Variants in ZZEF1 observed in about 807,000 individuals in gnomAD.
ZZEF1 encodes zinc finger ZZ-type and EF-hand domain-containing protein 1.
In ZZEF1, 157 loss-of-function variants were observed where a neutral mutation model predicts 342.8. The observed-to-expected ratio is 0.46, with a 90% confidence interval of 0.40 to 0.52. The LOEUF (loss-of-function observed/expected upper bound fraction) is 0.52. Among genes scored for constraint, ZZEF1 ranks in the 20% least tolerant of loss-of-function variants. ZZEF1 has a pLI of 0.00. For missense variants in ZZEF1, 3,480 were observed against 3,725.6 expected (o/e 0.93, Z 1.72); for synonymous variants, 1,505 against 1,429.1 (o/e 1.05, Z -1.20).
At position 4,064,532 on chromosome 17, in the gene ZZEF1, G is replaced by T. The variant is rs752965668; in HGVS notation, c.4547C>A (p.Pro1516His). Residue 1516 changes from proline to histidine, a missense_variant, in exon 29 of 55, where the codon CCC becomes CAC. Around this residue, in one of 5 missense-constraint regions of ZZEF1, gnomAD observed 1,528 missense variants for 1,624.1 expected, o/e 0.94. Transcript: ENST00000381638. The part of the protein sequence containing the change: ...ADVSPATAEE[P>H]LSPSTPTRRP... ...GCGGGTGGGTGTGGAAGGTGACAAG[G>T]GCTCTTCAGCTGTGGCAGGGGACAC... 2.5e-6 allele frequency: 4 copies of T among 1,614,204 alleles called. No individual in the cohort carries two copies. The highest frequency in any genetic ancestry group is 3.4e-6 in the Non-Finnish European group (4 of 1,180,048).
At chr17:4,111,839 A>G (rs2058307654) in intron 5 of ZZEF1, among the ~76,000 whole-genome samples, 1 of 145,824 alleles carries the variant, frequency 6.9e-6, no homozygotes, top group African/African-American at 2.5e-5. Context: ...TTTGAGATCA[A>G]CCTGGGCAAC....
chr17:4,091,020 G>A lies in ZZEF1; in HGVS notation c.1914-190C>T, dbSNP rs188351634. On this transcript the variant is annotated intron_variant, in intron 11 of 54. Coordinates refer to ENST00000381638, the MANE Select transcript of ZZEF1 (RefSeq NM_015113.4). ...GGTAGTATTGCCTTTCCATTGCTCAGTCTCCTTCTCTATGAACTGGGAAAT... is the reference window on the plus strand; with the variant it reads ...GGTAGTATTGCCTTTCCATTGCTCAATCTCCTTCTCTATGAACTGGGAAAT... Among the ~76,000 whole-genome samples, 35 of 152,332 alleles carry A rather than the reference G, an allele frequency of 2.3e-4. No individual in the cohort carries two copies. The East Asian group carries it at 6.2e-3, about 27-fold the overall frequency.
At chr17:4,040,707 T>C (rs906401518) in intron 39 of ZZEF1, among the ~76,000 whole-genome samples, 5 of 152,142 alleles carry the variant, frequency 3.3e-5, no homozygotes, top group Admixed American at 6.5e-5. Flanking sequence ...AAAATGTTCA[T>C]TGGAGCAGGG....
chr17:4,121,799 T>G (rs903394819), intron 2 of ZZEF1, among the ~76,000 whole-genome samples: 1 of 151,764 alleles, frequency 6.6e-6, no homozygotes, highest in Non-Finnish European at 1.5e-5. Flanking sequence ...CACGGCTCAC[T>G]GCAGCCTCAA....
At chr17:4,107,154 T>C (rs375029499) in intron 6 of ZZEF1, among the ~76,000 whole-genome samples, 5 of 152,338 alleles carry the variant, frequency 3.3e-5, no homozygotes, top group East Asian at 3.9e-4. Flanking sequence ...CTCATTGATA[T>C]TTTTTCAATA....
In ZZEF1 at chr17:4,004,820, A is replaced by AG. The variant is rs2055768756; in HGVS notation, c.*2069dup. The AG allele has an allele frequency of 6.6e-6, 1 of 152,218 alleles. No individual in the cohort carries two copies. The highest frequency in any genetic ancestry group is 1.5e-5 in the Non-Finnish European group (1 of 68,036). The allele number at this position is 152,218 out of a possible 1,614,324, so 9.4% of individuals were successfully genotyped here. On this transcript the variant is annotated 3_prime_UTR_variant, in exon 55 of 55. Transcript: ENST00000381638. Reference sequence around the variant, plus strand: ...AGCGCCACCCGGTGGCCGGAGACAGAGGCGGCCGGGCCGAGCCGGGAGAGC... The same window carrying AG: ...AGCGCCACCCGGTGGCCGGAGACAGAGGGCGGCCGGGCCGAGCCGGGAGAGC...
chr17:4,010,702 G>A (rs1484014818), intron 52 of ZZEF1, among the ~76,000 whole-genome samples: 1 of 116,910 alleles, frequency 8.6e-6, no homozygotes, highest in African/African-American at 3.3e-5. Context: ...TTCAGCCCAA[G>A]TGACAGTGTG....
In ZZEF1 at chr17:4,005,536, T is replaced by G. The variant is rs777197498; in HGVS notation, c.*1354A>C. The G allele has an allele frequency of 6.6e-6, 1 of 152,432 alleles. No homozygotes were observed. Among genetic ancestry groups the G allele is most frequent in the East Asian group, 1.9e-4 (1 of 5,206 alleles). 9.4% of individuals were successfully genotyped at this position (152,432 alleles called of 1,614,324 possible). ...TGAAGCCCGCTGCACCTTGGAGTCCTGACCCAGAAGGCGAAAGTGCTCTTA... is the reference window on the plus strand; with the variant it reads ...TGAAGCCCGCTGCACCTTGGAGTCCGGACCCAGAAGGCGAAAGTGCTCTTA... On this transcript the variant is annotated 3_prime_UTR_variant, in exon 55 of 55. Coordinates refer to ENST00000381638, the MANE Select transcript of ZZEF1 (RefSeq NM_015113.4).
rs905147503 is a variant in ZZEF1, at chr17:4,014,712, C to T, written c.8146-197G>A. On this transcript the variant is annotated intron_variant, in intron 49 of 54. Coordinates refer to ENST00000381638, the MANE Select transcript of ZZEF1 (RefSeq NM_015113.4). This position sits in a 1 kb window ranked among gnomAD's most constrained non-coding sequence, Gnocchi z 4.4. ...CAAATATGGTGCGAGGGAGGCACAG[C>T]GGGGCAGGCAACACGGGGCCCCAGA... Among the ~76,000 whole-genome samples, 1 of 152,098 alleles carries T rather than the reference C, an allele frequency of 6.6e-6. No individual in the cohort carries two copies. The highest frequency in any genetic ancestry group is 1.5e-5 in the Non-Finnish European group (1 of 68,028).
chr17:4,006,554 TGA>T lies in ZZEF1; in HGVS notation c.*334_*335del, dbSNP rs2144904147. The T allele has an allele frequency of 2.9e-6, 1 of 345,330 alleles. No individual in the cohort carries two copies. Among genetic ancestry groups the T allele is most frequent in the Admixed American group, 4.4e-5 (1 of 22,586 alleles). 21.4% of individuals were successfully genotyped at this position (345,330 alleles called of 1,614,324 possible). Reference sequence around the variant, plus strand: ...CAGCTCCACGGAGACAGAAACCAGTTGAGAGAGGCCGCTTCCAAGTCTTCCCA... The same window carrying T: ...CAGCTCCACGGAGACAGAAACCAGTTGAGAGGCCGCTTCCAAGTCTTCCCA... On this transcript the variant is annotated 3_prime_UTR_variant, in exon 55 of 55. Coordinates refer to ENST00000381638, the MANE Select transcript of ZZEF1 (RefSeq NM_015113.4).
Position 4,142,820 on chromosome 17 carries a change from C to G in ZZEF1, c.76G>C (p.Asp26His). ...AGGEGWGPHQ[D>H]WAAVSGTTPG... ...GTCGTGCCCGAGACCGCGGCCCAGT[C>G]CTGGTGTGGGCCCCAGCCCTCGCCA... Residue 26 changes from aspartate to histidine, a missense_variant, in exon 1 of 55, where the codon GAC becomes CAC. This residue lies in a region of ZZEF1 where 416 missense variants were observed against 374.2 expected (regional missense o/e 1.11). Coordinates refer to ENST00000381638, the MANE Select transcript of ZZEF1 (RefSeq NM_015113.4). 1 of 1,410,742 alleles carries G rather than the reference C, an allele frequency of 7.1e-7. No homozygotes were observed. The highest frequency in any genetic ancestry group is 1.6e-5 in the South Asian group (1 of 63,752). 87.4% of individuals were successfully genotyped at this position (1,410,742 alleles called of 1,614,324 possible). A position where few individuals can be genotyped will look rare whatever the true frequency, so the allele number is the denominator to read the frequency against.
chr17:4,036,546 C>A (rs1002439252), intron 39 of ZZEF1, among the ~76,000 whole-genome samples: 1 of 151,946 alleles, frequency 6.6e-6, no homozygotes, highest in African/African-American at 2.4e-5. Flanking sequence ...ACCAGCCTGA[C>A]CAACATGGTG....
At chr17:4,124,960 A>T (rs1017376814) in intron 1 of ZZEF1, among the ~76,000 whole-genome samples, 3 of 152,156 alleles carry the variant, frequency 2.0e-5, no homozygotes, top group African/African-American at 7.2e-5. Flanking sequence ...CTTTACCTCC[A>T]TAAGCCACAG....
intron 26 of ZZEF1, among the ~76,000 whole-genome samples, chr17:4,068,691 T>A (rs2057451117): frequency 6.6e-6 from 1 of 152,158 alleles, no homozygotes; most frequent in East Asian, 1.9e-4. Context: ...CTCTTTTGCA[T>A]CTATGTTACA....
At chr17:4,085,580 A>G in intron 16 of ZZEF1, 90 bp downstream of exon 16, 1 of 1,525,508 alleles carries the variant, frequency 6.6e-7, no homozygotes, top group East Asian at 2.3e-5. Context: ...GGGACGTTGC[A>G]ACAGACGATA....
intron 46 of ZZEF1, 115 bp from the exon 47 acceptor site, chr17:4,018,086 CA>C: frequency 1.5e-6 from 2 of 1,366,538 alleles, no homozygotes; most frequent in Non-Finnish European, 2.0e-6. Context: ...GTATCAATGA[CA>C]TTATCATATT....
At chr17:4,030,477 G>A (rs1265662035) in intron 42 of ZZEF1, among the ~76,000 whole-genome samples, 3 of 152,188 alleles carry the variant, frequency 2.0e-5, no homozygotes, top group East Asian at 1.9e-4. Flanking sequence ...TCTGGTTAAG[G>A]TATTGTCCCA....
In ZZEF1 at chr17:4,044,622, G is replaced by A. The variant is rs183888569; in HGVS notation, c.6016-248C>T. ...CAACCTCCACCTCCCAGGTTCAAGC[G>A]ATCCTCCTGCCTTAGCCTCCTGAGT... On this transcript the variant is annotated intron_variant, in intron 37 of 54. Coordinates refer to ENST00000381638, the MANE Select transcript of ZZEF1 (RefSeq NM_015113.4). Among the ~76,000 whole-genome samples the A allele has an allele frequency of 5.9e-4, 89 of 152,008 alleles. 1 individual carries two copies. Among genetic ancestry groups the A allele is most frequent in the East Asian group, 9.7e-4 (5 of 5,130 alleles).
At chr17:4,121,092 T>C (rs2145536298) in intron 2 of ZZEF1, among the ~76,000 whole-genome samples, 1 of 152,338 alleles carries the variant, frequency 6.6e-6, no homozygotes, top group Non-Finnish European at 1.5e-5. Flanking sequence ...GTCATGAGCC[T>C]GCTATGTAAG....
Sources: allele counts gnomAD v4.1 joint callset (sites outside exome capture counted in the v4.1 genomes callset), GRCh38; gene constraint gnomAD v4.1.1; regional missense constraint gnomAD v4.1.1; non-coding constraint Gnocchi (gnomAD v3.1); transcripts MANE v1.5; gene names NCBI Gene and HGNC (gene_info 2026-07-23, HGNC 2026-07-21).